The following SYTL2 variants were observed in gnomAD, a reference collection of about 807,000 sequenced individuals.
SYTL2 encodes the protein synaptotagmin like 2.
SYTL2 carries 165 observed loss-of-function variants against 198.7 expected under a neutral mutation model. The observed-to-expected ratio is 0.83, with a 90% CI of 0.73 to 0.94. The LOEUF is 0.94. SYTL2 is among the 40% of genes least tolerant of loss of function. The pLI, the probability that SYTL2 is intolerant of heterozygous loss-of-function variation, is 0.00. For synonymous variants in SYTL2, 966 were observed against 917.7 expected, an observed-to-expected ratio of 1.05 and a Z score of -0.95; for missense variants, 2,835 against 2,582.8, an observed-to-expected ratio of 1.10 and a Z score of -2.12.
At chr11:85,819,148 G>C in the SYTL2 span, among the ~76,000 whole-genome samples, 1 of 152,024 alleles carries the variant, frequency 6.6e-6, no homozygotes. Context: ...AGATCTTATA[G>C]GGTTTAAACA....
chr11:85,766,803 A>C (rs938305915), intron 1 of SYTL2, among the ~76,000 whole-genome samples: 2 of 152,340 alleles, frequency 1.3e-5, no homozygotes, highest in African/African-American at 2.4e-5. Context: ...ACTTTTAACC[A>C]GAGGATTTAA....
the SYTL2 span, among the ~76,000 whole-genome samples, chr11:85,846,833 A>C: frequency 6.8e-6 from 1 of 148,052 alleles, no homozygotes; most frequent in African/African-American, 2.5e-5. Flanking sequence ...TCTCGGGTTC[A>C]AGCGATTCTC....
chr11:85,842,315 G>T, the SYTL2 span, among the ~76,000 whole-genome samples: 1 of 152,272 alleles, frequency 6.6e-6, no homozygotes, highest in East Asian at 1.9e-4. Context: ...AGTGGGTAGG[G>T]GCATGGTTAG....
At chr11:85,741,078 T>C (rs918751475) in intron 4 of SYTL2, among the ~76,000 whole-genome samples, 1 of 152,142 alleles carries the variant, frequency 6.6e-6, no homozygotes, top group African/African-American at 2.4e-5. Flanking sequence ...GAGGTTTTTT[T>C]TTTTTTCTTA....
chr11:85,716,358 C>T (rs1026694404), intron 11 of SYTL2: 1 of 152,128 alleles, frequency 6.6e-6, no homozygotes, highest in African/African-American at 2.4e-5. Flanking sequence ...AGAGCTGAAG[C>T]CTGGACTCTC....
chr11:85,748,499 A>T lies in SYTL2; in HGVS notation c.102-76T>A, dbSNP rs78561037. ...GAGTTCATTATGACACCGCATAAAG[A>T]CATGTGTAAACACACAGATAAAATG... On this transcript the variant is annotated intron_variant, in intron 2 of 19. Coordinates refer to ENST00000359152, the MANE Select transcript of SYTL2 (RefSeq NM_206927.4). 5,242 of 1,434,144 alleles carry T rather than the reference A, an allele frequency of 3.7e-3. 157 individuals are homozygous for T. In the African/African-American group the frequency reaches 0.066, roughly 18 times the overall value. The allele number at this position is 1,434,144 out of a possible 1,614,324, so 88.8% of individuals were successfully genotyped here. A position where few individuals can be genotyped will look rare whatever the true frequency, so the allele number is the denominator to read the frequency against.
chr11:85,789,273 G>A lies in SYTL2; in HGVS notation c.-390+21681C>T, dbSNP rs11825207. ...CACCATACCTGGCTGATGTATGTGTGTGTGTGTGTATATATATATATATTT... is the reference window on the plus strand; with the variant it reads ...CACCATACCTGGCTGATGTATGTGTATGTGTGTGTATATATATATATATTT... On this transcript the variant is annotated intron_variant, in intron 1 of 19. Transcript: ENST00000359152. Among the ~76,000 whole-genome samples, 1,071 of 129,612 alleles carry A rather than the reference G, an allele frequency of 8.3e-3. 16 individuals carry two copies. Among genetic ancestry groups the A allele is most frequent in the African/African-American group, 0.035 (958 of 27,258 alleles). 85.0% of individuals were successfully genotyped at this position (129,612 alleles called of 152,430 possible). A position where few individuals can be genotyped will look rare whatever the true frequency, so the allele number is the denominator to read the frequency against.
At position 85,727,148 on chromosome 11, in the gene SYTL2, A is replaced by G. The variant is rs2089293737; in HGVS notation, c.2210T>C (p.Val737Ala). ...GGCTTTCAGGATATAGGTATTTCCT[A>G]CTTTGCTCTTTCTCTCTGCATTCAT... ...DNMNAERKSKVGNTYILKASL... is the reference protein window; with the variant it reads ...DNMNAERKSKAGNTYILKASL... The change falls in exon 8 of 20, where the codon GTA becomes GCA. Residue 737 changes from valine to alanine, a missense_variant. Val to Ala is a moderately conservative substitution (Grantham distance 64). This residue lies in a region of SYTL2 where 2,645 missense variants were observed against 2,381.7 expected (regional missense o/e 1.11). Transcript: ENST00000359152. 6.5e-7 allele frequency: 1 copy of G among 1,536,412 alleles called. No individual in the cohort carries two copies. Among genetic ancestry groups the G allele is most frequent in the Non-Finnish European group, 8.7e-7 (1 of 1,146,910 alleles).
Position 85,725,399 on chromosome 11 carries a change from G to T in SYTL2, c.3959C>A (p.Ser1320Tyr), listed in dbSNP as rs541947559. The change falls in exon 8 of 20, where the codon TCT becomes TAT. Residue 1320 changes from serine (S) to tyrosine (Y), a missense_variant. Around this residue, in one of 3 missense-constraint regions of SYTL2, gnomAD observed 2,645 missense variants for 2,381.7 expected, o/e 1.11. Transcript: ENST00000359152. ...GGGAGGGCTGGCCACATCCCCAAAA[G>T]AACCCTTTCTGGAAAGCTGGGAAGT... Reference protein sequence around the residue: ...DPTSQLSRKGSFGDVASPPQD... With the variant: ...DPTSQLSRKGYFGDVASPPQD... 4 of 1,614,072 alleles carry T rather than the reference G, an allele frequency of 2.5e-6. No individual in the cohort carries two copies. Among genetic ancestry groups the T allele is most frequent in the South Asian group, 1.1e-5 (1 of 91,076 alleles).
rs140789268 is a variant in SYTL2, at chr11:85,778,982, A to C, written c.-389-20868T>G. Among the ~76,000 whole-genome samples the C allele has an allele frequency of 5.5e-3, 839 of 152,276 alleles. 5 individuals are homozygous for C. The highest frequency in any genetic ancestry group is 9.8e-3 in the Non-Finnish European group (668 of 68,010). On this transcript the variant is annotated intron_variant, in intron 1 of 19. Transcript: ENST00000359152. ...GATAGAGCCAGACCTTGTCTCAAGA[A>C]ACAAATACATGAATAAAATAAAAAC...
At chr11:85,757,502 G>A (rs996700154) in intron 2 of SYTL2, 123 bp downstream of exon 2, 29 of 1,090,900 alleles carry the variant, frequency 2.7e-5, no homozygotes, top group Non-Finnish European at 3.5e-5. Context: ...CCTAAAATTG[G>A]AATCCATAAA....
chr11:85,709,138 T>C (rs2085785219), intron 14 of SYTL2, among the ~76,000 whole-genome samples, 193 bp downstream of exon 14: 1 of 151,780 alleles, frequency 6.6e-6, no homozygotes, highest in African/African-American at 2.4e-5. Context: ...GTGCCCGGCC[T>C]TTCTCTGTGA....
intron 11 of SYTL2, 40 bp from the exon 12 acceptor site, chr11:85,714,547 T>G (rs1249249331): frequency 1.3e-6 from 2 of 1,591,534 alleles, no homozygotes; most frequent in Non-Finnish European, 1.7e-6. Context: ...ATTCTTACAA[T>G]TGTCAGAAAA....
chr11:85,794,608 G>A (rs905570803), intron 1 of SYTL2, among the ~76,000 whole-genome samples: 4 of 152,098 alleles, frequency 2.6e-5, no homozygotes, highest in Non-Finnish European at 5.9e-5. Flanking sequence ...ATCTCTCCAT[G>A]AATTATCCCT....
chr11:85,835,019 C>A, the SYTL2 span, among the ~76,000 whole-genome samples: 1 of 152,162 alleles, frequency 6.6e-6, no homozygotes, highest in East Asian at 1.9e-4. Context: ...TTCGGCCTTA[C>A]AAAGTGCTGG....
At chr11:85,823,154 T>C in the SYTL2 span, among the ~76,000 whole-genome samples, 1 of 152,258 alleles carries the variant, frequency 6.6e-6, no homozygotes, top group South Asian at 2.1e-4. Flanking sequence ...ATAAGTTCCA[T>C]GCAGGCAGAA....
chr11:85,789,400 A>AAT (rs2092698912), intron 1 of SYTL2, among the ~76,000 whole-genome samples: 1 of 89,362 alleles, frequency 1.1e-5, no homozygotes, highest in African/African-American at 5.2e-5. Flanking sequence ...ATATATATAT[A>AAT]ATTTTTTTTT....
chr11:85,813,512 T>A, upstream of SYTL2, among the ~76,000 whole-genome samples: 1 of 152,326 alleles, frequency 6.6e-6, no homozygotes, highest in South Asian at 2.1e-4. Flanking sequence ...AAGTGACACT[T>A]AAACTTTAGA....
chr11:85,716,643 C>G (rs1591684744), intron 11 of SYTL2: 1 of 151,530 alleles, frequency 6.6e-6, no homozygotes, highest in South Asian at 2.1e-4. Flanking sequence ...TCTTCATACC[C>G]CCAGTGCCTA....
Sources: allele counts gnomAD v4.1 joint callset (sites outside exome capture counted in the v4.1 genomes callset), GRCh38; gene constraint gnomAD v4.1.1; regional missense constraint gnomAD v4.1.1; transcripts MANE v1.5; gene names NCBI Gene and HGNC (gene_info 2026-07-23, HGNC 2026-07-21).